Variants in PLEKHA5 observed in about 807,000 individuals in gnomAD.
PLEKHA5 encodes pleckstrin homology domain-containing family A member 5.
In PLEKHA5, 55 loss-of-function variants were observed where a neutral mutation model predicts 181.9. The ratio of observed to expected loss-of-function variants is 0.30; its 90% CI spans 0.24 to 0.38. PLEKHA5 has a LOEUF of 0.38. PLEKHA5 is among the 10% of genes least tolerant of loss of function. The pLI is 1.00. For missense variants in PLEKHA5, 1,432 were observed against 1,549.5 expected (o/e 0.92, Z 1.27); for synonymous variants, 535 against 529.4 (o/e 1.01, Z -0.15).
chr12:19,375,260 G>A (rs971523092), intron 31 of PLEKHA5, among the ~76,000 whole-genome samples: 1 of 152,196 alleles, frequency 6.6e-6, no homozygotes, highest in Non-Finnish European at 1.5e-5. Flanking sequence ...GGACGCAGAG[G>A]TTGCAGAGAG....
intron 4 of PLEKHA5, among the ~76,000 whole-genome samples, 178 bp downstream of exon 4, chr12:19,254,201 T>C (rs2066201393): frequency 6.6e-6 from 1 of 152,170 alleles, no homozygotes; most frequent in Non-Finnish European, 1.5e-5. Context: ...ATTTTTTTCA[T>C]GAAGAATGTA....
intron 15 of PLEKHA5, among the ~76,000 whole-genome samples, chr12:19,314,300 T>C (rs970568086): frequency 1.3e-5 from 2 of 152,180 alleles, no homozygotes; most frequent in Non-Finnish European, 2.9e-5. Flanking sequence ...AGAGTCTCTA[T>C]AAATGTCAAG....
At chr12:19,371,602 G>C (rs1472077421) in intron 31 of PLEKHA5, 2 of 183,412 alleles carry the variant, frequency 1.1e-5, no homozygotes, top group African/African-American at 4.8e-5. Flanking sequence ...TAGAATAATG[G>C]CCTCCAGCTC....
intron 10 of PLEKHA5, among the ~76,000 whole-genome samples, chr12:19,270,787 G>T (rs974155763): frequency 6.6e-6 from 1 of 152,122 alleles, no homozygotes; most frequent in African/African-American, 2.4e-5. Flanking sequence ...AGATGCTAAT[G>T]TGCATCTTTT....
intron 3 of PLEKHA5, chr12:19,205,515 C>A: frequency 4.1e-6 from 1 of 246,704 alleles, no homozygotes; most frequent in Non-Finnish European, 6.5e-6. Flanking sequence ...TATGTATTTA[C>A]TTATATCTGC....
At chr12:19,207,072 G>A (rs1354727120) in intron 3 of PLEKHA5, among the ~76,000 whole-genome samples, 2 of 152,044 alleles carry the variant, frequency 1.3e-5, no homozygotes, top group Admixed American at 1.3e-4. Context: ...TATTTCAAGT[G>A]TATAAAATCT....
At chr12:19,200,490 C>T (rs1345295802) in intron 3 of PLEKHA5, 1 of 1,377,150 alleles carries the variant, frequency 7.3e-7, no homozygotes, top group Non-Finnish European at 9.4e-7. Context: ...CTTTCCTATT[C>T]TCCATAACAA....
intron 21 of PLEKHA5, among the ~76,000 whole-genome samples, chr12:19,337,878 A>C (rs771428585): frequency 2.0e-5 from 3 of 151,734 alleles, no homozygotes; most frequent in Non-Finnish European, 4.4e-5. Context: ...CTAAAAATAC[A>C]AAATTAGCCG....
At chr12:19,259,967 T>C (rs1565531940) in intron 6 of PLEKHA5, among the ~76,000 whole-genome samples, 1 of 151,940 alleles carries the variant, frequency 6.6e-6, no homozygotes, top group Non-Finnish European at 1.5e-5. Flanking sequence ...TTTTCTTTTT[T>C]CTTTTTTCTT....
intron 27 of PLEKHA5, 33 bp downstream of exon 27, chr12:19,358,470 T>C: frequency 7.1e-7 from 1 of 1,413,972 alleles, no homozygotes; most frequent in African/African-American, 1.4e-5. Context: ...TTATTTTGTG[T>C]AAATCTAGTA....
intron 3 of PLEKHA5, among the ~76,000 whole-genome samples, chr12:19,158,395 A>G (rs550895314): frequency 6.6e-6 from 1 of 152,294 alleles, no homozygotes; most frequent in Admixed American, 6.5e-5. Context: ...TTAAACTTAG[A>G]CTATGTCCTA....
At chr12:19,352,740 G>A (rs898469197) in intron 25 of PLEKHA5, among the ~76,000 whole-genome samples, 1 of 151,424 alleles carries the variant, frequency 6.6e-6, no homozygotes, top group Admixed American at 6.6e-5. Context: ...TATAATTAAT[G>A]TTCTTAAAAA....
intron 20 of PLEKHA5, among the ~76,000 whole-genome samples, chr12:19,327,781 A>G (rs189656935): frequency 1.0e-3 from 152 of 151,734 alleles, no homozygotes; most frequent in African/African-American, 3.6e-3. Flanking sequence ...AGTAGCTGGG[A>G]TTGTAAATGC....
chr12:19,364,979 T>A (rs1287185555), intron 29 of PLEKHA5, among the ~76,000 whole-genome samples: 1 of 152,042 alleles, frequency 6.6e-6, no homozygotes, highest in Non-Finnish European at 1.5e-5. Flanking sequence ...ATTTTTAACA[T>A]CACAAAAAGA....
intron 8 of PLEKHA5, among the ~76,000 whole-genome samples, chr12:19,266,420 G>C (rs968391445): frequency 6.6e-6 from 1 of 151,940 alleles, no homozygotes; most frequent in Non-Finnish European, 1.5e-5. Context: ...GGAGGTCAAG[G>C]CTGTAGTGAG....
chr12:19,204,910 G>GT (rs1325893257), intron 3 of PLEKHA5, among the ~76,000 whole-genome samples: 2 of 152,106 alleles, frequency 1.3e-5, no homozygotes, highest in Non-Finnish European at 2.9e-5. Context: ...ATAGTTTATA[G>GT]TTTGTTTAAT....
chr12:19,173,016 T>TTTTTG, intron 3 of PLEKHA5, among the ~76,000 whole-genome samples: 1 of 93,894 alleles, frequency 1.1e-5, no homozygotes, highest in Non-Finnish European at 2.3e-5. Flanking sequence ...TTTTTTTTTT[T>TTTTTG]TTTTTTTTTT....
At chr12:19,300,902 AGGT>A (rs906384197) in intron 15 of PLEKHA5, among the ~76,000 whole-genome samples, 52 of 150,764 alleles carry the variant, frequency 3.4e-4, no homozygotes, top group African/African-American at 1.2e-3. Flanking sequence ...TGGGAGGCCG[AGGT>A]GGGCGGATCA....
chr12:19,321,033 G>C (rs1485836238), intron 18 of PLEKHA5: 2 of 153,904 alleles, frequency 1.3e-5, no homozygotes, highest in East Asian at 3.9e-4. Flanking sequence ...TGGGCATGGT[G>C]GTACACGCTT....
Sources: gnomAD v4.1 joint callset for allele counts (sites outside exome capture counted in the v4.1 genomes callset) on GRCh38, gnomAD v4.1.1 for gene constraint, MANE v1.5 for transcripts, NCBI Gene and HGNC (gene_info 2026-07-23, HGNC 2026-07-21) for gene names.